The following ERBB4 variants were observed in gnomAD, a reference collection of about 807,000 sequenced individuals.
ERBB4 encodes receptor tyrosine-protein kinase erbB-4.
ERBB4 carries 42 observed loss-of-function variants against 158.0 expected under a neutral mutation model. The ratio of observed to expected loss-of-function variants is 0.27; its 90% CI spans 0.21 to 0.34. The LOEUF (loss-of-function observed/expected upper bound fraction) is 0.34. ERBB4 is among the 10% of genes least tolerant of loss of function. The pLI, the probability that ERBB4 is intolerant of heterozygous loss-of-function variation, is 1.00. For missense variants in ERBB4, 1,333 were observed against 1,624.1 expected (o/e 0.82, Z 3.08); for synonymous variants, 583 against 558.7 (o/e 1.04, Z -0.61).
chr2:212,191,665 T>C (rs1559702666), intron 1 of ERBB4, among the ~76,000 whole-genome samples: 2 of 147,312 alleles, frequency 1.4e-5, no homozygotes, highest in African/African-American at 5.0e-5. Context: ...GTTATACATG[T>C]CATATATCGC....
chr2:211,955,305 A>T (rs1202242847), intron 2 of ERBB4, among the ~76,000 whole-genome samples: 3 of 152,070 alleles, frequency 2.0e-5, no homozygotes, highest in Admixed American at 2.0e-4. Flanking sequence ...ACTTCTTAGC[A>T]GTGAACACCT....
chr2:211,853,413 C>T (rs60088784), intron 3 of ERBB4, among the ~76,000 whole-genome samples: 21,636 of 151,914 alleles, frequency 0.14, 1,888 homozygotes, highest in African/African-American at 0.24. Context: ...CTTTGGTCTA[C>T]TTGTATGACT....
intron 1 of ERBB4, among the ~76,000 whole-genome samples, chr2:212,184,299 C>T (rs865779334): frequency 2.6e-5 from 4 of 151,972 alleles, no homozygotes; most frequent in East Asian, 1.9e-4. Flanking sequence ...AAGACCCTGC[C>T]GAAAACCCTG....
At chr2:211,913,617 A>ATGTGTGTGTGTGTGTGTGTGTGTGTGTG (rs879271352) in intron 3 of ERBB4, among the ~76,000 whole-genome samples, 3 of 118,432 alleles carry the variant, frequency 2.5e-5, no homozygotes, top group East Asian at 2.4e-4. Flanking sequence ...ATATATATAT[A>ATGTGTGTGTGTGTGTGTGTGTGTGTGTG]TATGTGTGTG....
At chr2:211,558,073 C>T (rs1030450241) in intron 20 of ERBB4, among the ~76,000 whole-genome samples, 1 of 152,098 alleles carries the variant, frequency 6.6e-6, no homozygotes, top group Non-Finnish European at 1.5e-5. Context: ...GATGAGAATG[C>T]ATGGATACAC....
At chr2:212,244,716 G>A (rs1037749000) in intron 1 of ERBB4, among the ~76,000 whole-genome samples, 3 of 151,974 alleles carry the variant, frequency 2.0e-5, no homozygotes, top group African/African-American at 7.2e-5. Flanking sequence ...TATCTTTTCA[G>A]ATTTTATCTA....
intron 1 of ERBB4, among the ~76,000 whole-genome samples, chr2:212,508,931 T>G (rs1442929276): frequency 1.3e-5 from 2 of 152,146 alleles, no homozygotes; most frequent in Non-Finnish European, 2.9e-5. Context: ...TACTTTCATG[T>G]CTGCCAAAAA....
At position 211,561,890 on chromosome 2, in the gene ERBB4, G is replaced by T; in HGVS notation, c.2487+13C>A. On this transcript the variant is annotated intron_variant, in intron 20 of 27. Transcript: ENST00000342788. Reference sequence around the variant, plus strand: ...TAAAAATGTAATTTCCATAGAAATTGACAGGCACTTACCTTAGCTATCTGG... The same window carrying T: ...TAAAAATGTAATTTCCATAGAAATTTACAGGCACTTACCTTAGCTATCTGG... The T allele has an allele frequency of 6.2e-7, 1 of 1,610,330 alleles. No homozygotes were observed. Among genetic ancestry groups the T allele is most frequent in the South Asian group, 1.1e-5 (1 of 90,946 alleles).
chr2:212,472,535 A>T (rs73063150), intron 1 of ERBB4, among the ~76,000 whole-genome samples: 7,848 of 148,410 alleles, frequency 0.053, 459 homozygotes, highest in African/African-American at 0.15. Context: ...GTTCCATATT[A>T]AAAAAAAAAC....
In ERBB4 at chr2:212,177,592, A is replaced by C. The variant is rs559040172; in HGVS notation, c.83-52689T>G. 4.6e-4 allele frequency among the ~76,000 whole-genome samples: 70 copies of C among 151,996 alleles called. No homozygotes were observed. In the South Asian group the frequency reaches 0.014, roughly 31 times the overall value. On this transcript the variant is annotated intron_variant, in intron 1 of 27. Transcript: ENST00000342788. Reference sequence around the variant, plus strand: ...TTCCCTTAATACAAGCTCATGCTGAAGGTTCACTTTTTAAAAACATTTTTC... The same window carrying C: ...TTCCCTTAATACAAGCTCATGCTGACGGTTCACTTTTTAAAAACATTTTTC...
At chr2:211,622,505 G>A (rs1358784525) in intron 18 of ERBB4, among the ~76,000 whole-genome samples, 1 of 151,824 alleles carries the variant, frequency 6.6e-6, no homozygotes, top group African/African-American at 2.4e-5. Context: ...TGGAGCACTT[G>A]GAGAGAAAAA....
intron 2 of ERBB4, among the ~76,000 whole-genome samples, chr2:211,985,124 C>T (rs902961861): frequency 1.3e-5 from 2 of 152,110 alleles, no homozygotes; most frequent in Non-Finnish European, 2.9e-5. Context: ...ACAAACATTT[C>T]GGTTTTGGCA....
intron 3 of ERBB4, among the ~76,000 whole-genome samples, chr2:211,937,423 T>A: frequency 6.6e-6 from 1 of 152,174 alleles, no homozygotes; most frequent in East Asian, 1.9e-4. Context: ...TAATAATAAT[T>A]ATCTTCTATT....
chr2:212,025,294 T>G (rs1356670809), intron 2 of ERBB4, among the ~76,000 whole-genome samples: 1 of 151,832 alleles, frequency 6.6e-6, no homozygotes, highest in African/African-American at 2.4e-5. Flanking sequence ...AGTCACCCTA[T>G]TTGCAGCCCA....
At chr2:211,625,752 A>G (rs888083619) in intron 17 of ERBB4, among the ~76,000 whole-genome samples, 5 of 152,218 alleles carry the variant, frequency 3.3e-5, no homozygotes, top group Admixed American at 1.3e-4. Context: ...ATAACTTATG[A>G]ATCATTTTTA....
At chr2:212,504,242 T>C (rs1250367083) in intron 1 of ERBB4, among the ~76,000 whole-genome samples, 1 of 152,192 alleles carries the variant, frequency 6.6e-6, no homozygotes, top group African/African-American at 2.4e-5. Context: ...ATCTTATTTT[T>C]AGACATCATC....
At chr2:211,923,367 T>G (rs1235771643) in intron 3 of ERBB4, among the ~76,000 whole-genome samples, 4 of 152,150 alleles carry the variant, frequency 2.6e-5, no homozygotes, top group Non-Finnish European at 5.9e-5. Context: ...AAAAAGAGTT[T>G]GGTTAAACAA....
At chr2:212,360,192 T>C (rs970360068) in intron 1 of ERBB4, among the ~76,000 whole-genome samples, 5 of 143,290 alleles carry the variant, frequency 3.5e-5, no homozygotes, top group African/African-American at 1.1e-4. Context: ...TTACATCTAA[T>C]AGACTTCTCA....
chr2:211,693,147 A>G (rs2072884059), intron 12 of ERBB4, among the ~76,000 whole-genome samples: 1 of 152,206 alleles, frequency 6.6e-6, no homozygotes, highest in South Asian at 2.1e-4. Context: ...CAGTAGTGAC[A>G]GCAGAAATAA....
Sources: gnomAD v4.1 joint callset for allele counts (sites outside exome capture counted in the v4.1 genomes callset) on GRCh38, gnomAD v4.1.1 for gene constraint, MANE v1.5 for transcripts, NCBI Gene and HGNC (gene_info 2026-07-23, HGNC 2026-07-21) for gene names.